Variants in USP6NL observed in about 807,000 individuals in gnomAD.
USP6NL encodes the protein USP6 N-terminal-like protein.
Under a neutral mutation model 61.9 loss-of-function variants are expected in USP6NL, and 26 were observed. The ratio of observed to expected loss-of-function variants is 0.42; its 90% confidence interval spans 0.31 to 0.58. The LOEUF (loss-of-function observed/expected upper bound fraction) is 0.58, where lower values mean the gene tolerates loss of function less well. USP6NL is among the 20% of genes least tolerant of loss of function. USP6NL has a pLI of 0.16. For synonymous variants in USP6NL, 432 were observed against 390.1 expected (o/e 1.11, Z -1.27); for missense variants, 1,114 against 1,034.3 (o/e 1.08, Z -1.06).
At chr10:11,594,076 T>TTTTA (rs1838242504) in intron 2 of USP6NL, among the ~76,000 whole-genome samples, 1 of 152,200 alleles carries the variant, frequency 6.6e-6, no homozygotes. Flanking sequence ...TATTGCTATT[T>TTTTA]TTTAGCCTGT....
chr10:11,524,085 T>C (rs1208760602), intron 4 of USP6NL, among the ~76,000 whole-genome samples: 2 of 152,198 alleles, frequency 1.3e-5, no homozygotes, highest in African/African-American at 4.8e-5. Flanking sequence ...GGTGGAAGTT[T>C]AATTTAAAAA....
chr10:11,583,684 C>A (rs1837867347), intron 2 of USP6NL, among the ~76,000 whole-genome samples: 1 of 152,090 alleles, frequency 6.6e-6, no homozygotes, highest in South Asian at 2.1e-4. Flanking sequence ...CCAACCTGGA[C>A]CTACTCTAGA....
Position 11,525,910 on chromosome 10 carries a change from T to C in USP6NL, c.73-442A>G, listed in dbSNP as rs1835394295. On this transcript the variant is annotated intron_variant, in intron 3 of 14. Transcript: ENST00000609104. The surrounding 1 kb of genome is among the most constrained non-coding windows in gnomAD (Gnocchi z 5.0). ...GCAGGCAGAGAAGCTCCTCGTCTAGTTCTTTACTTCACAGCTATGCCAGCC... is the reference window on the plus strand; with the variant it reads ...GCAGGCAGAGAAGCTCCTCGTCTAGCTCTTTACTTCACAGCTATGCCAGCC... Among the ~76,000 whole-genome samples the C allele has an allele frequency of 6.6e-6, 1 of 152,208 alleles. No homozygotes were observed. Among genetic ancestry groups the C allele is most frequent in the Non-Finnish European group, 1.5e-5 (1 of 68,026 alleles).
chr10:11,608,977 A>C (rs941874664), intron 1 of USP6NL, among the ~76,000 whole-genome samples: 9 of 152,202 alleles, frequency 5.9e-5, no homozygotes, highest in African/African-American at 1.7e-4. Flanking sequence ...TTCCACTGTA[A>C]ATACAGGAGT....
At chr10:11,605,601 G>A (rs940617547) in intron 1 of USP6NL, among the ~76,000 whole-genome samples, 2 of 152,068 alleles carry the variant, frequency 1.3e-5, no homozygotes, top group Admixed American at 6.6e-5. Context: ...TGCATCCACA[G>A]AAATATATGC....
Position 11,561,438 on chromosome 10 carries a change from C to T in USP6NL, c.5-33871G>A, listed in dbSNP as rs189215573. ...GTGCATACGTGCACAAGAACATATA[C>T]GAACACACGCATATGTATAAGGCAC... On this transcript the variant is annotated intron_variant, in intron 2 of 14. Coordinates refer to ENST00000609104, the MANE Select transcript of USP6NL (RefSeq NM_014688.5). The surrounding 1 kb of genome is among the most constrained non-coding windows in gnomAD (Gnocchi z 4.1). 1.3e-5 allele frequency among the ~76,000 whole-genome samples: 2 copies of T among 152,260 alleles called. No individual in the cohort carries two copies. Among genetic ancestry groups the T allele is most frequent in the African/African-American group, 4.8e-5 (2 of 41,546 alleles).
chr10:11,609,232 A>C (rs986682213), intron 1 of USP6NL, among the ~76,000 whole-genome samples: 1 of 152,040 alleles, frequency 6.6e-6, no homozygotes, highest in Non-Finnish European at 1.5e-5. Context: ...CGCCCAGCTA[A>C]TCTTTGTATT....
intron 6 of USP6NL, among the ~76,000 whole-genome samples, chr10:11,503,361 C>A (rs1354143105): frequency 6.6e-6 from 1 of 152,060 alleles, no homozygotes; most frequent in Non-Finnish European, 1.5e-5. Context: ...CAATTCTGTA[C>A]TCAATAATTG....
Position 11,499,144 on chromosome 10 carries a change from T to C in USP6NL, c.384+1957A>G, listed in dbSNP as rs978434406. 2.0e-5 allele frequency among the ~76,000 whole-genome samples: 3 copies of C among 152,080 alleles called. No homozygotes were observed. Among genetic ancestry groups the C allele is most frequent in the Non-Finnish European group, 4.4e-5 (3 of 68,018 alleles). On this transcript the variant is annotated intron_variant, in intron 7 of 14. Coordinates refer to ENST00000609104, the MANE Select transcript of USP6NL (RefSeq NM_014688.5). The surrounding 1 kb of genome is among the most constrained non-coding windows in gnomAD (Gnocchi z 4.5). ...TAAGAGAAGGTTGTAGTTTTAGTCC[T>C]ACTGAAGTTCCAGTTCGTGGAGGAT...
chr10:11,494,727 C>CAG (rs545481746), intron 7 of USP6NL, among the ~76,000 whole-genome samples: 1 of 146,430 alleles, frequency 6.8e-6, no homozygotes, highest in African/African-American at 2.5e-5. Context: ...GCAGCTGAGG[C>CAG]AGAGAGAGAG....
At chr10:11,498,108 G>A (rs1834021500) in intron 7 of USP6NL, among the ~76,000 whole-genome samples, 1 of 150,910 alleles carries the variant, frequency 6.6e-6, no homozygotes, top group African/African-American at 2.4e-5. Flanking sequence ...ATGGTGGCGG[G>A]CACCTGTAAT....
chr10:11,546,790 T>A (rs1024859976), intron 2 of USP6NL, among the ~76,000 whole-genome samples: 10 of 152,232 alleles, frequency 6.6e-5, no homozygotes, highest in Admixed American at 2.0e-4. Flanking sequence ...TATGATGGAA[T>A]GCAAACAGAA....
intron 6 of USP6NL, among the ~76,000 whole-genome samples, chr10:11,506,749 T>C (rs1037193321): frequency 1.3e-4 from 19 of 147,574 alleles, no homozygotes; most frequent in Non-Finnish European, 2.2e-4. Context: ...TTTTTTTTTT[T>C]CATTAAAGCT....
chr10:11,578,494 C>T (rs1433028467), intron 2 of USP6NL, among the ~76,000 whole-genome samples: 1 of 152,138 alleles, frequency 6.6e-6, no homozygotes, highest in African/African-American at 2.4e-5. Context: ...TATCAGGCTA[C>T]TCAAGAGGCA....
Position 11,468,321 on chromosome 10 carries a change from A to C in USP6NL, c.1079-4472T>G, listed in dbSNP as rs1441970515. Among the ~76,000 whole-genome samples the C allele has an allele frequency of 2.0e-5, 3 of 152,198 alleles. No individual in the cohort carries two copies. The highest frequency in any genetic ancestry group is 7.2e-5 in the African/African-American group (3 of 41,442). ...TGTCAATCACAGTTCACTCAGTCGA[A>C]TGGTATGTTCCAGGGTCTCTTAGTC... On this transcript the variant is annotated intron_variant, in intron 14 of 14. Transcript: ENST00000609104. The surrounding 1 kb of genome is among the most constrained non-coding windows in gnomAD (Gnocchi z 4.5).
rs575953729 is a variant in USP6NL at position 11,532,576 on chromosome 10, T to C, written c.5-5009A>G. ...ATTCCATCCGCTAACAAACAGCGGCTTGAAAGAAGCAGCTTCATAATGTGC... is the reference window on the plus strand; with the variant it reads ...ATTCCATCCGCTAACAAACAGCGGCCTGAAAGAAGCAGCTTCATAATGTGC... On this transcript the variant is annotated intron_variant, in intron 2 of 14. Coordinates refer to ENST00000609104, the MANE Select transcript of USP6NL (RefSeq NM_014688.5). The surrounding 1 kb of genome is among the most constrained non-coding windows in gnomAD (Gnocchi z 4.1). 6.6e-6 allele frequency among the ~76,000 whole-genome samples: 1 copy of C among 152,226 alleles called. No homozygotes were observed. Among genetic ancestry groups the C allele is most frequent in the Non-Finnish European group, 1.5e-5 (1 of 68,040 alleles).
At position 11,476,894 on chromosome 10, in the gene USP6NL, CG is replaced by C. The variant is rs11360479; in HGVS notation, c.1078+4875del. Among the ~76,000 whole-genome samples the C allele has an allele frequency of 0.15, 22,556 of 152,088 alleles. 2,023 individuals are homozygous for C. Among genetic ancestry groups the C allele is most frequent in the South Asian group, 0.21 (1,000 of 4,814 alleles). ...TTTTATTATTATTATTTTTTCAAGA[CG>C]GAGTCTTGCTCTGTCACCCAGGCTG... On this transcript the variant is annotated intron_variant, in intron 14 of 14. Coordinates refer to ENST00000609104, the MANE Select transcript of USP6NL (RefSeq NM_014688.5). This position sits in a 1 kb window ranked among gnomAD's most constrained non-coding sequence, Gnocchi z 4.3.
intron 10 of USP6NL, among the ~76,000 whole-genome samples, chr10:11,486,896 G>C (rs1010630516): frequency 4.6e-5 from 7 of 152,070 alleles, no homozygotes; most frequent in African/African-American, 1.7e-4. Flanking sequence ...CCAAAAACCT[G>C]AGGCACATGC....
chr10:11,562,271 A>C lies in USP6NL; in HGVS notation c.5-34704T>G. 1 of 651,978 alleles carries C rather than the reference A, an allele frequency of 1.5e-6. No homozygotes were observed. The highest frequency in any genetic ancestry group is 1.9e-6 in the Non-Finnish European group (1 of 525,048). The allele number at this position is 651,978 out of a possible 1,614,324, so 40.4% of individuals were successfully genotyped here. On this transcript the variant is annotated intron_variant, in intron 2 of 14. Transcript: ENST00000609104. The surrounding 1 kb of genome is among the most constrained non-coding windows in gnomAD (Gnocchi z 4.8). ...TGCAAGACTCCATCTCAAAAAAAAA[A>C]AAAAAAAATTGCATTCCCAGGACCC...
Sources: allele counts gnomAD v4.1 joint callset (sites outside exome capture counted in the v4.1 genomes callset), GRCh38; gene constraint gnomAD v4.1.1; non-coding constraint Gnocchi (gnomAD v3.1); transcripts MANE v1.5; gene names NCBI Gene and HGNC (gene_info 2026-07-23, HGNC 2026-07-21).